Variants in FLVCR2 observed in about 807,000 individuals in gnomAD.
FLVCR2 encodes choline/ethanolamine transporter FLVCR2.
In FLVCR2, 38 loss-of-function variants were observed where a neutral mutation model predicts 48.9. The ratio of observed to expected loss-of-function variants is 0.78; its 90% CI spans 0.60 to 1.02. The LOEUF (loss-of-function observed/expected upper bound fraction) is 1.02. Ranked by LOEUF, FLVCR2 falls within the 50% of genes least tolerant of loss-of-function variation. The pLI, the probability that FLVCR2 is intolerant of heterozygous loss-of-function variation, is 0.00. For missense variants in FLVCR2, 664 were observed against 663.3 expected (o/e 1.00, Z -0.01); for synonymous variants, 255 against 257.0 (o/e 0.99, Z 0.07).
chr14:75,599,901 C>T (rs377098757), intron 1 of FLVCR2, among the ~76,000 whole-genome samples: 1 of 152,092 alleles, frequency 6.6e-6, no homozygotes, highest in South Asian at 2.1e-4. Flanking sequence ...AACTGGATAA[C>T]CATATGAAAT....
At chr14:75,603,623 A>G (rs771874964) in intron 1 of FLVCR2, among the ~76,000 whole-genome samples, 8 of 152,180 alleles carry the variant, frequency 5.3e-5, no homozygotes, top group Admixed American at 3.3e-4. Context: ...TGCCCTCATG[A>G]AAAGGCAGAG....
Position 75,596,278 on chromosome 14 carries a change from T to C in FLVCR2, c.669+16637T>C. On this transcript the variant is annotated intron_variant, in intron 1 of 9. Coordinates refer to ENST00000238667, the MANE Select transcript of FLVCR2 (RefSeq NM_017791.3). ...CTGCTTTCTAGCCTCCTATTGTGCA[T>C]TGGAGGAGAGTAGACAAGGGCTGGG... The C allele has an allele frequency of 1.7e-5, 9 of 521,702 alleles. No homozygotes were observed. In the South Asian group the frequency reaches 1.9e-4, roughly 11 times the overall value. The allele number at this position is 521,702 out of a possible 1,614,324, so 32.3% of individuals were successfully genotyped here.
chr14:75,615,522 G>A (rs543749346), intron 1 of FLVCR2, among the ~76,000 whole-genome samples: 23 of 152,286 alleles, frequency 1.5e-4, no homozygotes, highest in African/African-American at 5.5e-4. Context: ...AGCCCGATGA[G>A]CTAGGTGGTA....
intron 3 of FLVCR2, 140 bp from the exon 4 acceptor site, chr14:75,633,489 A>C: frequency 1.3e-6 from 1 of 759,592 alleles, no homozygotes; most frequent in Non-Finnish European, 2.4e-6. Flanking sequence ...ACCTCCCTGG[A>C]GTTTTCTTCT....
chr14:75,601,201 G>A (rs1162980369), intron 1 of FLVCR2, among the ~76,000 whole-genome samples: 1 of 152,268 alleles, frequency 6.6e-6, no homozygotes, highest in Non-Finnish European at 1.5e-5. Flanking sequence ...GCAGGAACAC[G>A]CCTTTAAGAC....
At chr14:75,620,284 G>A (rs1160927143) in intron 1 of FLVCR2, among the ~76,000 whole-genome samples, 1 of 152,168 alleles carries the variant, frequency 6.6e-6, no homozygotes. Context: ...GGACACAAAA[G>A]AGGCCTCTGT....
intron 2 of FLVCR2, 115 bp downstream of exon 2, chr14:75,622,335 A>C: frequency 9.1e-7 from 1 of 1,098,010 alleles, no homozygotes; most frequent in Non-Finnish European, 1.4e-6. Flanking sequence ...ATTTACAGAA[A>C]CTGGAGTCTG....
intron 1 of FLVCR2, among the ~76,000 whole-genome samples, chr14:75,613,223 T>C (rs1229890381): frequency 6.6e-6 from 1 of 152,152 alleles, no homozygotes; most frequent in Non-Finnish European, 1.5e-5. Flanking sequence ...AATTGGCTCA[T>C]GGTTCTGCAG....
intron 1 of FLVCR2, among the ~76,000 whole-genome samples, chr14:75,611,864 G>A (rs1010356578): frequency 2.6e-5 from 4 of 152,188 alleles, no homozygotes; most frequent in Admixed American, 2.6e-4. Flanking sequence ...TTAGCATGCT[G>A]TCTAACACAT....
chr14:75,639,043 C>T (rs910338949), intron 5 of FLVCR2, among the ~76,000 whole-genome samples: 1 of 152,060 alleles, frequency 6.6e-6, no homozygotes, highest in African/African-American at 2.4e-5. Flanking sequence ...GGCAAAACAC[C>T]GTCTCTATGA....
chr14:75,620,817 C>G (rs556318150), intron 1 of FLVCR2, among the ~76,000 whole-genome samples: 1 of 152,132 alleles, frequency 6.6e-6, no homozygotes, highest in Non-Finnish European at 1.5e-5. Flanking sequence ...GAAGGAAAAA[C>G]GAATCAAGGG....
At position 75,635,049 on chromosome 14, in the gene FLVCR2, A is replaced by G. The variant is rs79451870; in HGVS notation, c.1124+36A>G. The G allele has an allele frequency of 4.5e-3, 6,174 of 1,375,790 alleles. 217 individuals are homozygous for G. The African/African-American group carries it at 0.079, about 18-fold the overall frequency. 85.2% of individuals were successfully genotyped at this position (1,375,790 alleles called of 1,614,324 possible). ...CATCCTCTTGGACTGAGAATTGGGGACCTGTTTTTTGAAATGACATATTCA... is the reference window on the plus strand; with the variant it reads ...CATCCTCTTGGACTGAGAATTGGGGGCCTGTTTTTTGAAATGACATATTCA... On this transcript the variant is annotated intron_variant, in intron 5 of 9. Transcript: ENST00000238667.
intron 1 of FLVCR2, among the ~76,000 whole-genome samples, chr14:75,584,619 G>A (rs1466351719): frequency 6.6e-6 from 1 of 152,166 alleles, no homozygotes; most frequent in South Asian, 2.1e-4. Context: ...TATACCTGGG[G>A]AATCTGCCTG....
intron 9 of FLVCR2, among the ~76,000 whole-genome samples, chr14:75,644,312 C>T (rs931647792): frequency 1.3e-5 from 2 of 152,180 alleles, no homozygotes; most frequent in Non-Finnish European, 2.9e-5. Flanking sequence ...TTCTACCCTG[C>T]TTACTTAGTA....
At chr14:75,629,157 C>T (rs991217447) in intron 3 of FLVCR2, among the ~76,000 whole-genome samples, 1 of 152,130 alleles carries the variant, frequency 6.6e-6, no homozygotes, top group Non-Finnish European at 1.5e-5. Context: ...TCTGGCTACA[C>T]TCTTAGAGGT....
chr14:75,612,642 C>T (rs1210095027), intron 1 of FLVCR2, among the ~76,000 whole-genome samples: 4 of 152,134 alleles, frequency 2.6e-5, no homozygotes, highest in African/African-American at 4.8e-5. Context: ...TATCGGTTAC[C>T]GTGGAGCCGC....
intron 1 of FLVCR2, among the ~76,000 whole-genome samples, chr14:75,596,504 T>C (rs898242386): frequency 6.6e-6 from 1 of 152,106 alleles, no homozygotes; most frequent in Non-Finnish European, 1.5e-5. Context: ...CTCCCACCAA[T>C]CATTGATATA....
rs143830535 is a variant in FLVCR2 at position 75,641,193 on chromosome 14, C to A, written c.1353C>A (p.Ile451=). ...TTATGCCTTTCCAGGTATTTGGGAT[C>A]ATCTTTACCATCTCCCAGGGCCAGA... ...LLNISAQVFG[I]IFTISQGQII... is the part of the protein sequence containing the mutation. Residue 451 remains isoleucine, a synonymous_variant, in exon 8 of 10, where the codon ATC becomes ATA. Transcript: ENST00000238667. 1.2e-6 allele frequency: 2 copies of A among 1,611,974 alleles called. No homozygotes were observed. The highest frequency in any genetic ancestry group is 4.5e-5 in the East Asian group (2 of 44,872).
intron 2 of FLVCR2, among the ~76,000 whole-genome samples, chr14:75,624,312 G>A (rs143352515): frequency 6.7e-6 from 1 of 150,142 alleles, no homozygotes; most frequent in African/African-American, 2.5e-5. Flanking sequence ...GCAGTAAGCC[G>A]AGATGGCGCC....
Sources: gnomAD v4.1 joint callset for allele counts (sites outside exome capture counted in the v4.1 genomes callset) on GRCh38, gnomAD v4.1.1 for gene constraint, MANE v1.5 for transcripts, NCBI Gene and HGNC (gene_info 2026-07-23, HGNC 2026-07-21) for gene names.